Variants in AGBL1 observed in about 807,000 individuals in gnomAD.
AGBL1 encodes the protein cytosolic carboxypeptidase 4.
AGBL1 carries 130 observed loss-of-function variants against 118.9 expected under a neutral mutation model. That is an observed-to-expected ratio of 1.09 (90% CI 0.95 to 1.26). AGBL1 has a LOEUF of 1.26. Ranked by LOEUF, AGBL1 falls within the 50% of genes most tolerant of loss-of-function variation. AGBL1 has a pLI of 0.00. For synonymous variants in AGBL1, 555 were observed against 478.9 expected (o/e 1.16, Z -2.08); for missense variants, 1,584 against 1,298.1 (o/e 1.22, Z -3.38).
intron 24 of AGBL1, among the ~76,000 whole-genome samples, chr15:87,006,568 T>C (rs1211754837): frequency 6.6e-6 from 1 of 152,180 alleles, no homozygotes; most frequent in Non-Finnish European, 1.5e-5. Context: ...GAGAGTGACC[T>C]GATTTTCCAG....
chr15:86,917,174 G>A (rs2044053536), downstream of AGBL1, among the ~76,000 whole-genome samples: 1 of 152,090 alleles, frequency 6.6e-6, no homozygotes, highest in African/African-American at 2.4e-5. The surrounding 1 kb of genome is among the most constrained non-coding windows in gnomAD (Gnocchi z 4.8). Flanking sequence ...AGAAGATGGG[G>A]GAGAGGCGTG....
intron 23 of AGBL1, among the ~76,000 whole-genome samples, chr15:86,941,173 A>C (rs1040376946): frequency 1.3e-5 from 2 of 152,230 alleles, no homozygotes; most frequent in Non-Finnish European, 2.9e-5. Context: ...TTACAAGATG[A>C]ATGGATATAT....
intron 22 of AGBL1, among the ~76,000 whole-genome samples, chr15:86,787,467 T>C (rs900464836): frequency 3.3e-5 from 5 of 152,200 alleles, no homozygotes; most frequent in African/African-American, 1.2e-4. Context: ...CTAGTCTCTG[T>C]TTCCATGTAT....
At chr15:86,830,337 A>G (rs2079086588) in intron 22 of AGBL1, among the ~76,000 whole-genome samples, 1 of 152,078 alleles carries the variant, frequency 6.6e-6, no homozygotes, top group Non-Finnish European at 1.5e-5. Context: ...ATCACCATGT[A>G]TTAGTTTTGC....
intron 18 of AGBL1, among the ~76,000 whole-genome samples, chr15:86,498,733 C>T (rs911811536): frequency 9.9e-4 from 150 of 151,936 alleles, no homozygotes; most frequent in African/African-American, 3.5e-3. Context: ...GAATAATCAT[C>T]ATCAATTTAG....
rs75254515 is a variant in AGBL1 at position 86,293,646 on chromosome 15, C to A, written c.2221-1609C>A. The stretch of plus-strand genomic sequence containing the variant: ...CTACCAAAGGTTCTGAAGGTGAGAA[C>A]GTGAACATCTTTGGGGGCCACTATT... On this transcript the variant is annotated intron_variant, in intron 16 of 22. Transcript: ENST00000614907. Among the ~76,000 whole-genome samples, 904 of 152,282 alleles carry A rather than the reference C, an allele frequency of 5.9e-3. 4 individuals carry two copies. The highest frequency in any genetic ancestry group is 0.02 in the Middle Eastern group (6 of 294).
At chr15:86,084,462 TA>T (rs946895617) in intron 1 of AGBL1, among the ~76,000 whole-genome samples, 7 of 152,324 alleles carry the variant, frequency 4.6e-5, no homozygotes, top group African/African-American at 1.7e-4. Flanking sequence ...CACTGATGGT[TA>T]AGGAAAGGAT....
At chr15:86,667,241 T>C in intron 21 of AGBL1, among the ~76,000 whole-genome samples, 1 of 151,756 alleles carries the variant, frequency 6.6e-6, no homozygotes, top group African/African-American at 2.4e-5. Flanking sequence ...TATGTATGTA[T>C]GTATGTATGT....
chr15:86,539,929 T>A (rs1159263432), intron 19 of AGBL1, among the ~76,000 whole-genome samples: 1 of 152,182 alleles, frequency 6.6e-6, no homozygotes, highest in East Asian at 1.9e-4. Flanking sequence ...TGGTATAATA[T>A]CAACAAATCA....
intron 22 of AGBL1, among the ~76,000 whole-genome samples, chr15:86,895,995 G>C (rs896779548): frequency 6.6e-6 from 1 of 151,762 alleles, no homozygotes; most frequent in Non-Finnish European, 1.5e-5. Flanking sequence ...CCCTAAACAC[G>C]ACTTTTAAAA....
chr15:86,407,599 T>A (rs1431236), intron 18 of AGBL1, among the ~76,000 whole-genome samples: 19,013 of 152,168 alleles, frequency 0.12, 1,904 homozygotes, highest in East Asian at 0.43. Flanking sequence ...AAGGTAAAGT[T>A]TGTGTACTAC....
intron 21 of AGBL1, among the ~76,000 whole-genome samples, chr15:86,555,961 GTCTC>G (rs781410939): frequency 9.2e-5 from 14 of 152,104 alleles, no homozygotes; most frequent in Admixed American, 7.9e-4. Context: ...ATAGGTTTGT[GTCTC>G]TCTCTGTACA....
intron 21 of AGBL1, among the ~76,000 whole-genome samples, chr15:86,606,981 T>TCCCTTTCCCAAA (rs71144057): frequency 0.49 from 74,609 of 151,436 alleles, 18,504 homozygotes; most frequent in East Asian, 0.73. Flanking sequence ...CTTCCTTCTT[T>TCCCTTTCCCAAA]CCCTTGGTGG....
At chr15:86,406,213 A>G (rs2081528199) in intron 18 of AGBL1, among the ~76,000 whole-genome samples, 1 of 151,760 alleles carries the variant, frequency 6.6e-6, no homozygotes, top group African/African-American at 2.4e-5. Flanking sequence ...TTTCTTTCTC[A>G]ACTTGCCTTC....
At chr15:86,096,708 G>T (rs2141482248) in intron 1 of AGBL1, among the ~76,000 whole-genome samples, 1 of 152,270 alleles carries the variant, frequency 6.6e-6, no homozygotes, top group African/African-American at 2.4e-5. Flanking sequence ...ATGATGAATA[G>T]TAAAGAGAAT....
intron 23 of AGBL1, among the ~76,000 whole-genome samples, chr15:86,952,687 T>C (rs1171368126): frequency 6.6e-6 from 1 of 152,184 alleles, no homozygotes; most frequent in African/African-American, 2.4e-5. Context: ...TTAATTTAAT[T>C]AGGTCCAACT....
At chr15:86,545,884 A>C in intron 19 of AGBL1, 118 bp from the exon 20 acceptor site, 2 of 1,271,984 alleles carry the variant, frequency 1.6e-6, no homozygotes, top group Non-Finnish European at 2.2e-6. Flanking sequence ...AGCATCCGAG[A>C]AAGTTGACAT....
intron 24 of AGBL1, among the ~76,000 whole-genome samples, chr15:87,011,125 C>A (rs73449195): frequency 0.061 from 9,341 of 152,254 alleles, 958 homozygotes; most frequent in African/African-American, 0.21. Context: ...TTGTCACTTG[C>A]AGTTCAGTGA....
chr15:86,929,320 G>A (rs2080579663), intron 23 of AGBL1, among the ~76,000 whole-genome samples: 1 of 152,136 alleles, frequency 6.6e-6, no homozygotes, highest in African/African-American at 2.4e-5. Context: ...GCCCTTTGTG[G>A]CTCTGAACAA....
Sources: gnomAD v4.1 joint callset for allele counts (sites outside exome capture counted in the v4.1 genomes callset) on GRCh38, gnomAD v4.1.1 for gene constraint, Gnocchi (gnomAD v3.1) non-coding constraint, MANE v1.5 for transcripts, NCBI Gene and HGNC (gene_info 2026-07-23, HGNC 2026-07-21) for gene names.